TNRC18: variants seen among roughly 807,000 people sequenced by gnomAD.
TNRC18 encodes trinucleotide repeat containing 18, also known as trinucleotide repeat-containing gene 18 protein.
A neutral mutation model predicts 226.7 loss-of-function variants in TNRC18; 69 were observed. The observed-to-expected ratio is 0.30, with a 90% CI of 0.25 to 0.37. TNRC18 has a LOEUF of 0.37. TNRC18 is among the 10% of genes least tolerant of loss of function. TNRC18 has a pLI of 1.00. For missense variants in TNRC18, 4,754 were observed against 4,256.6 expected (o/e 1.12, Z -3.25); for synonymous variants, 2,449 against 1,927.6 (o/e 1.27, Z -7.09).
At chr7:5,327,492 G>A (rs547832177) in intron 19 of TNRC18, among the ~76,000 whole-genome samples, 1 of 152,042 alleles carries the variant, frequency 6.6e-6, no homozygotes, top group South Asian at 2.1e-4. Flanking sequence ...CTTAGGCGCT[G>A]AAAGAATGTT....
At chr7:5,317,697 A>G (rs1341341610) in intron 24 of TNRC18, among the ~76,000 whole-genome samples, 1 of 134,618 alleles carries the variant, frequency 7.4e-6, no homozygotes, top group Admixed American at 7.7e-5. Context: ...AGAGAATAAG[A>G]AAGAACTCTT....
At chr7:5,420,644 G>A (rs1460976383) in intron 2 of TNRC18, 15 of 463,828 alleles carry the variant, frequency 3.2e-5, no homozygotes, top group Non-Finnish European at 6.5e-5. Context: ...GAGGGCCCAC[G>A]AGCGCCAAAA....
chr7:5,420,690 A>T (rs551463696), intron 2 of TNRC18: 1 of 508,464 alleles, frequency 2.0e-6, no homozygotes, highest in East Asian at 5.2e-5. Context: ...GAGCTCGGGG[A>T]GCGGGTGTCT....
chr7:5,420,539 C>A, intron 2 of TNRC18: 1 of 444,980 alleles, frequency 2.2e-6, no homozygotes. Flanking sequence ...TCACCGTACT[C>A]CCGCATCCCC....
chr7:5,388,811 GGCGGGGGCA>G lies in TNRC18; in HGVS notation c.1004_1012del (p.Leu335_Pro337del), dbSNP rs1780033224. The G allele has an allele frequency of 8.4e-7, 1 of 1,188,994 alleles. No homozygotes were observed. Among genetic ancestry groups the G allele is most frequent in the East Asian group, 4.2e-5 (1 of 23,616 alleles). The allele number at this position is 1,188,994 out of a possible 1,614,324, so 73.7% of individuals were successfully genotyped here. A position where few individuals can be genotyped will look rare whatever the true frequency, so the allele number is the denominator to read the frequency against. Reference sequence around the variant, plus strand: ...AGGAGGCCCCTTGGGGGGCGCGGGCGGCGGGGGCAGCGGTGAGGGGCAGGGGCGCGGCCC... The same window carrying G: ...AGGAGGCCCCTTGGGGGGCGCGGGCGGCGGTGAGGGGCAGGGGCGCGGCCC... On this transcript the variant is annotated inframe_deletion, in exon 5 of 30. Coordinates refer to ENST00000430969, the MANE Select transcript of TNRC18 (RefSeq NM_001080495.3).
intron 3 of TNRC18, among the ~76,000 whole-genome samples, chr7:5,392,381 T>C (rs1421941689): frequency 6.6e-6 from 1 of 152,092 alleles, no homozygotes; most frequent in East Asian, 1.9e-4. Flanking sequence ...GAGGATCTCT[T>C]GAACTCAGGA....
rs1025597358 is a variant in TNRC18 at position 5,307,134 on chromosome 7, GGAGGCCGGT to G, written c.*963_*971del. The stretch of plus-strand genomic sequence containing the variant: ...TGGGCGGGGGGTGTGCTGGGGACTG[GGAGGCCGGT>G]GAAGCCGGTGCTAGACACTATAATC... On this transcript the variant is annotated 3_prime_UTR_variant, in exon 30 of 30. Coordinates refer to ENST00000430969, the MANE Select transcript of TNRC18 (RefSeq NM_001080495.3). 19 of 151,752 alleles carry G rather than the reference GGAGGCCGGT, an allele frequency of 1.3e-4. No homozygotes were observed. The highest frequency in any genetic ancestry group is 4.1e-4 in the African/African-American group (17 of 41,436). The allele number at this position is 151,752 out of a possible 1,614,324, so 9.4% of individuals were successfully genotyped here.
intron 5 of TNRC18, among the ~76,000 whole-genome samples, chr7:5,385,159 G>C (rs145768505): frequency 6.6e-6 from 1 of 152,320 alleles, no homozygotes; most frequent in Non-Finnish European, 1.5e-5. Flanking sequence ...CAGATACCCA[G>C]GACCGGCTGG....
chr7:5,371,153 G>T lies in TNRC18; in HGVS notation c.3441C>A (p.Gly1147=), dbSNP rs1794116858. Residue 1147 remains glycine, a synonymous_variant, in exon 11 of 30, where the codon GGC becomes GGA. Transcript: ENST00000430969. ...GCTCAGCCAGCGGTTCTTCCTCCGG[G>T]CCCTCCCGCAGCGGCTCTGTGATCT... is the stretch of plus-strand genomic sequence containing the variant. The part of the protein sequence containing the change: ...PSKITEPLRE[G]PEEEPLAERE... 2.5e-6 allele frequency: 4 copies of T among 1,609,464 alleles called. No homozygotes were observed. Among genetic ancestry groups the T allele is most frequent in the Non-Finnish European group, 3.4e-6 (4 of 1,176,932 alleles).
At chr7:5,405,725 C>A (rs1781421410) in intron 2 of TNRC18, among the ~76,000 whole-genome samples, 6 of 152,086 alleles carry the variant, frequency 3.9e-5, no homozygotes, top group Admixed American at 3.9e-4. Flanking sequence ...GCCTGGGCAA[C>A]AGAGCAAGAC....
chr7:5,394,529 G>T lies in TNRC18; in HGVS notation c.254C>A (p.Pro85Gln). ...AGACAGGTCAGAGGGCAGTGGCACT[G>T]GGCTCCCATGGGACGAGGCCGAGGG... ...MGPSASSHGS[P>Q]VPLPSDLSFR... The change falls in exon 3 of 30, where the codon CCA becomes CAA. Residue 85 changes from proline to glutamine, a missense_variant. Physicochemically the swap from Pro to Gln is moderately conservative, Grantham distance 76. Coordinates refer to ENST00000430969, the MANE Select transcript of TNRC18 (RefSeq NM_001080495.3). The surrounding 1 kb of genome is among the most constrained non-coding windows in gnomAD (Gnocchi z 4.5). 3 of 1,553,144 alleles carry T rather than the reference G, an allele frequency of 1.9e-6. No homozygotes were observed. The highest frequency in any genetic ancestry group is 2.6e-6 in the Non-Finnish European group (3 of 1,150,694).
intron 2 of TNRC18, among the ~76,000 whole-genome samples, chr7:5,398,891 T>A (rs909043311): frequency 1.3e-5 from 2 of 152,214 alleles, no homozygotes; most frequent in Admixed American, 6.5e-5. Flanking sequence ...CCCAAAGTGC[T>A]GGGATTACAG....
rs28709095 is a variant in TNRC18, at chr7:5,381,359, T to C, written c.2153-3335A>G. On this transcript the variant is annotated intron_variant, in intron 5 of 29. Coordinates refer to ENST00000430969, the MANE Select transcript of TNRC18 (RefSeq NM_001080495.3). Reference sequence around the variant, plus strand: ...GGCCTCTCGAGGATGCCCCACCCTCTCTGCACATGTCACACTTGTCCCCTT... The same window carrying C: ...GGCCTCTCGAGGATGCCCCACCCTCCCTGCACATGTCACACTTGTCCCCTT... 7.8e-3 allele frequency among the ~76,000 whole-genome samples: 1,189 copies of C among 152,044 alleles called. 16 individuals are homozygous for C. The highest frequency in any genetic ancestry group is 0.027 in the African/African-American group (1,107 of 41,468).
At chr7:5,410,203 C>T (rs370069433) in intron 2 of TNRC18, among the ~76,000 whole-genome samples, 1 of 148,072 alleles carries the variant, frequency 6.8e-6, no homozygotes, top group Non-Finnish European at 1.5e-5. Context: ...CCCAGCTACT[C>T]GGGAGGCTGA....
rs913667554 is a variant in TNRC18, at chr7:5,351,168, C to T, written c.5470+651G>A. On this transcript the variant is annotated intron_variant, in intron 17 of 29. Coordinates refer to ENST00000430969, the MANE Select transcript of TNRC18 (RefSeq NM_001080495.3). ...AGGCAAGCGGCAGGCGGCACGGTCC[C>T]GTCCCTACTCCTTCTGGGTGGGGAG... 5.3e-5 allele frequency among the ~76,000 whole-genome samples: 8 copies of T among 152,034 alleles called. No homozygotes were observed. In the East Asian group the frequency reaches 9.7e-4, roughly 18 times the overall value.
At chr7:5,315,456 G>C (rs779785482) in intron 25 of TNRC18, among the ~76,000 whole-genome samples, 1 of 148,404 alleles carries the variant, frequency 6.7e-6, no homozygotes, top group Non-Finnish European at 1.5e-5. Flanking sequence ...ACAGAGTCTC[G>C]CTCTGTCGCC....
chr7:5,339,541 ATGTGTGTG>A (rs71536907), intron 18 of TNRC18, among the ~76,000 whole-genome samples: 3,660 of 137,142 alleles, frequency 0.027, 157 homozygotes, highest in African/African-American at 0.096. Flanking sequence ...TGCCCAGCCA[ATGTGTGTG>A]TGTGTGTGTG....
chr7:5,411,356 A>C, intron 2 of TNRC18, among the ~76,000 whole-genome samples: 1 of 151,590 alleles, frequency 6.6e-6, no homozygotes, highest in East Asian at 1.9e-4. Context: ...AATTCTTTCA[A>C]AATCCTAGAG....
intron 19 of TNRC18, among the ~76,000 whole-genome samples, chr7:5,330,964 C>T (rs146413822): frequency 2.6e-5 from 4 of 152,254 alleles, no homozygotes; most frequent in Non-Finnish European, 4.4e-5. Context: ...TGTGTGCCAC[C>T]GTGCCCGGCT....
Sources: allele counts gnomAD v4.1 joint callset (sites outside exome capture counted in the v4.1 genomes callset), GRCh38; gene constraint gnomAD v4.1.1; non-coding constraint Gnocchi (gnomAD v3.1); transcripts MANE v1.5; gene names NCBI Gene and HGNC (gene_info 2026-07-23, HGNC 2026-07-21).